CCDC57: variants seen among roughly 807,000 people sequenced by gnomAD.
The protein encoded by CCDC57 is coiled-coil domain containing 57, also known as coiled-coil domain-containing protein 57.
A neutral mutation model predicts 118.9 loss-of-function variants in CCDC57; 118 were observed. The ratio of observed to expected loss-of-function variants is 0.99; its 90% CI spans 0.86 to 1.16. The LOEUF (loss-of-function observed/expected upper bound fraction) is 1.16, where lower values mean the gene tolerates loss of function less well. CCDC57 is among the 50% of genes most tolerant of loss of function. The pLI is 0.00. For missense variants in CCDC57, 1,300 were observed against 1,320.7 expected, an observed-to-expected ratio of 0.98 and a Z score of 0.24; for synonymous variants, 527 against 532.9, an observed-to-expected ratio of 0.99 and a Z score of 0.15.
intron 19 of CCDC57, chr17:82,113,563 C>T (rs2035454846): frequency 2.8e-6 from 2 of 717,688 alleles, no homozygotes; most frequent in African/African-American, 1.7e-5. Context: ...TGCCTCCATT[C>T]ATTCCCCCTC....
rs114940653 is a variant in CCDC57 at position 82,140,711 on chromosome 17, T to A, written c.2456-6517A>T. Among the ~76,000 whole-genome samples, 1,281 of 152,278 alleles carry A rather than the reference T, an allele frequency of 8.4e-3. 12 individuals are homozygous for A. Among genetic ancestry groups the A allele is most frequent in the African/African-American group, 0.03 (1,228 of 41,550 alleles). ...AAGGCCAAATCTGAGAAGACGCCCA[T>A]TTAGTCAGTCACCAGCAGCCACTTG... On this transcript the variant is annotated intron_variant, in intron 16 of 19. Coordinates refer to ENST00000665763, the Ensembl canonical transcript of CCDC57.
chr17:82,195,095 G>A (rs936271280), intron 5 of CCDC57, among the ~76,000 whole-genome samples, 168 bp downstream of exon 4: 1 of 152,246 alleles, frequency 6.6e-6, no homozygotes, highest in Non-Finnish European at 1.5e-5. Context: ...CCCTGCCATG[G>A]GGCACAGGGC....
chr17:82,127,673 G>A lies in CCDC57; in HGVS notation c.2899+19C>T. The A allele has an allele frequency of 6.3e-7, 1 of 1,581,090 alleles. No individual in the cohort carries two copies. The highest frequency in any genetic ancestry group is 8.6e-7 in the Non-Finnish European group (1 of 1,163,732). On this transcript the variant is annotated intron_variant, in intron 19 of 19. Coordinates refer to ENST00000665763, the Ensembl canonical transcript of CCDC57. ...CAGCTGCCAGCTGTGGGCAGCTCCT[G>A]GGGAGGGCAGTCTCCTACCTGGAGT...
At chr17:82,208,125 G>A (rs1338799287) in intron 1 of CCDC57, 1 of 152,146 alleles carries the variant, frequency 6.6e-6, no homozygotes, top group Non-Finnish European at 1.5e-5. Flanking sequence ...GGTCAGGCTG[G>A]TCTGGAACTC....
chr17:82,195,123 G>A, intron 5 of CCDC57, 140 bp downstream of exon 4: 1 of 687,096 alleles, frequency 1.5e-6, no homozygotes, highest in Non-Finnish European at 2.6e-6. Context: ...TGGCCCACCT[G>A]CTCGCTGGGC....
chr17:82,184,025 G>GCTCACACACACACACACACA, intron 8 of CCDC57, 93 bp from the exon 8 acceptor site: 1 of 387,908 alleles, frequency 2.6e-6, no homozygotes, highest in East Asian at 5.0e-5. Context: ...ATGCGCGCGC[G>GCTCACACACACACACACACA]CGCGCGCACA....
At chr17:82,137,510 A>G (rs577327390) in intron 16 of CCDC57, among the ~76,000 whole-genome samples, 30 of 152,310 alleles carry the variant, frequency 2.0e-4, no homozygotes, top group African/African-American at 6.5e-4. Context: ...AAGTTTCTCT[A>G]TAACTGTTCT....
intron 16 of CCDC57, among the ~76,000 whole-genome samples, chr17:82,143,139 T>G (rs2040245143): frequency 1.5e-5 from 2 of 129,286 alleles, no homozygotes; most frequent in South Asian, 2.7e-4. Flanking sequence ...GCAACAAGAG[T>G]GAAACTCCGT....
chr17:82,126,597 C>T, intron 19 of CCDC57: 1 of 985,368 alleles, frequency 1.0e-6, no homozygotes, highest in Non-Finnish European at 1.2e-6. Context: ...CCTGCTGCCA[C>T]CGGCAAAAGT....
At chr17:82,157,748 C>T in exon 15 of CCDC57, 1 of 1,590,116 alleles carries the variant, frequency 6.3e-7, no homozygotes, top group Non-Finnish European at 8.5e-7. Context: ...GGGCACCCAC[C>T]TCTCTCCCAA....
chr17:82,186,787 C>T (rs2046977280), intron 8 of CCDC57, among the ~76,000 whole-genome samples: 1 of 151,878 alleles, frequency 6.6e-6, no homozygotes, highest in South Asian at 2.1e-4. Context: ...ACAAAAAATA[C>T]AAAAATTAGC....
intron 2 of CCDC57, among the ~76,000 whole-genome samples, chr17:82,202,187 C>T (rs1293956606): frequency 1.3e-5 from 2 of 152,116 alleles, no homozygotes; most frequent in Non-Finnish European, 2.9e-5. Context: ...AAAAATTAGG[C>T]CGGGTGCAGT....
chr17:82,190,660 A>C (rs1261075604), intron 7 of CCDC57, among the ~76,000 whole-genome samples: 2 of 146,458 alleles, frequency 1.4e-5, no homozygotes, highest in Non-Finnish European at 3.0e-5. Context: ...GCACCACTGC[A>C]CCATCTGCCT....
At chr17:82,151,629 G>A in exon 16 of CCDC57, 1 of 1,550,418 alleles carries the variant, frequency 6.4e-7, no homozygotes, top group Non-Finnish European at 8.7e-7. Flanking sequence ...TCCAGGCGGA[G>A]GCTGATGATT....
intron 3 of CCDC57, among the ~76,000 whole-genome samples, chr17:82,199,153 A>T (rs2048677676): frequency 6.6e-6 from 1 of 152,058 alleles, no homozygotes; most frequent in Non-Finnish European, 1.5e-5. Context: ...AATCTAGTAA[A>T]GCAAATGGAA....
intron 17 of CCDC57, among the ~76,000 whole-genome samples, chr17:82,131,705 CTG>C (rs968865889): frequency 2.0e-5 from 3 of 152,062 alleles, no homozygotes; most frequent in Non-Finnish European, 4.4e-5. Flanking sequence ...TAAGCCGAGA[CTG>C]TGCCACTGCA....
intron 11 of CCDC57, among the ~76,000 whole-genome samples, chr17:82,174,742 T>C (rs1176966488): frequency 6.6e-6 from 1 of 152,258 alleles, no homozygotes. Context: ...CGTTGCTTTT[T>C]GTAACCATTT....
chr17:82,137,881 C>T (rs1187158801), intron 16 of CCDC57, among the ~76,000 whole-genome samples: 9 of 151,532 alleles, frequency 5.9e-5, no homozygotes, highest in African/African-American at 1.9e-4. Flanking sequence ...ACCTTGTTGG[C>T]CAGGATGGTC....
chr17:82,208,871 T>C (rs1345858760), intron 1 of CCDC57, among the ~76,000 whole-genome samples: 1 of 152,094 alleles, frequency 6.6e-6, no homozygotes, highest in African/African-American at 2.4e-5. Flanking sequence ...AATTCAGTAA[T>C]CTACTCTTTT....
Sources: allele counts gnomAD v4.1 joint callset (sites outside exome capture counted in the v4.1 genomes callset), GRCh38; gene constraint gnomAD v4.1.1; transcripts MANE v1.5; gene names NCBI Gene and HGNC (gene_info 2026-07-23, HGNC 2026-07-21).